Variants in PARD3B observed in about 807,000 individuals in gnomAD.
The protein encoded by PARD3B is par-3 family cell polarity regulator beta.
In PARD3B, 103 loss-of-function variants were observed where a neutral mutation model predicts 130.2. The ratio of observed to expected loss-of-function variants is 0.79; its 90% CI spans 0.67 to 0.93. PARD3B has a LOEUF of 0.93. PARD3B is among the 40% of genes least tolerant of loss of function. PARD3B has a pLI of 0.00. For missense variants in PARD3B, 1,609 were observed against 1,499.2 expected (o/e 1.07, Z -1.21); for synonymous variants, 583 against 553.2 (o/e 1.05, Z -0.76).
At chr2:205,571,372 C>T (rs1372933076) in intron 22 of PARD3B, among the ~76,000 whole-genome samples, 3 of 152,160 alleles carry the variant, frequency 2.0e-5, no homozygotes, top group Admixed American at 6.5e-5. Context: ...CTGAAAGTAA[C>T]AAGCTGCTCA....
At chr2:205,233,256 A>G (rs1198161878) in intron 15 of PARD3B, among the ~76,000 whole-genome samples, 1 of 152,200 alleles carries the variant, frequency 6.6e-6, no homozygotes, top group East Asian at 1.9e-4. Context: ...CTATTCAACT[A>G]GAATTCTTTA....
intron 1 of PARD3B, among the ~76,000 whole-genome samples, chr2:204,608,005 G>A (rs1396964292): frequency 6.6e-6 from 1 of 152,168 alleles, no homozygotes; most frequent in African/African-American, 2.4e-5. Context: ...TGTGTTTAAA[G>A]TGTTCAATGG....
chr2:205,047,648 C>T lies in PARD3B; in HGVS notation c.462C>T (p.Ser154=), dbSNP rs75070299. 519 of 1,550,922 alleles carry T rather than the reference C, an allele frequency of 3.3e-4. 4 individuals carry two copies. In the East Asian group the frequency reaches 0.011, roughly 34 times the overall value. Residue 154 remains serine, a synonymous_variant, in exon 4 of 23, where the codon AGC becomes AGT. Coordinates refer to ENST00000406610, the MANE Select transcript of PARD3B (RefSeq NM_001302769.2). ...GCCCACCTGCTGATACCCAGCCAAG[C>T]GCTTCACACCCTGGTGGCCAGAGTC... The part of the protein sequence containing the change: ...VPGPPADTQP[S]ASHPGGQSLK...
Position 205,616,878 on chromosome 2 carries a change from T to C in PARD3B, c.*1065T>C, listed in dbSNP as rs2055452874. On this transcript the variant is annotated 3_prime_UTR_variant, in exon 23 of 23. Coordinates refer to ENST00000406610, the MANE Select transcript of PARD3B (RefSeq NM_001302769.2). The stretch of plus-strand genomic sequence containing the variant: ...CCTCTGATGACCAGCAGGTATTAGA[T>C]GGAAGTGAATGAGAGAGAGAGAGAG... 1 of 145,672 alleles carries C rather than the reference T, an allele frequency of 6.9e-6. No individual in the cohort carries two copies. The highest frequency in any genetic ancestry group is 2.6e-5 in the African/African-American group (1 of 38,590). 9.0% of individuals were successfully genotyped at this position (145,672 alleles called of 1,614,324 possible).
At chr2:205,435,021 A>G (rs1205344673) in intron 19 of PARD3B, among the ~76,000 whole-genome samples, 2 of 152,156 alleles carry the variant, frequency 1.3e-5, no homozygotes, top group African/African-American at 4.8e-5. Context: ...CAGTATAACC[A>G]TGTATACCCA....
chr2:205,366,841 G>A lies in PARD3B; in HGVS notation c.2631-34172G>A, dbSNP rs763059332. On this transcript the variant is annotated intron_variant, in intron 18 of 22. Coordinates refer to ENST00000406610, the MANE Select transcript of PARD3B (RefSeq NM_001302769.2). This position sits in a 1 kb window ranked among gnomAD's most constrained non-coding sequence, Gnocchi z 5.0. Reference sequence around the variant, plus strand: ...CTTCCCACTAATAACTGGTGATGCTGTACCGCCACAGGTGTCAGCAGCAAT... The same window carrying A: ...CTTCCCACTAATAACTGGTGATGCTATACCGCCACAGGTGTCAGCAGCAAT... Among the ~76,000 whole-genome samples the A allele has an allele frequency of 1.3e-5, 2 of 152,174 alleles. No homozygotes were observed. The highest frequency in any genetic ancestry group is 6.5e-5 in the Admixed American group (1 of 15,276).
intron 18 of PARD3B, among the ~76,000 whole-genome samples, chr2:205,338,476 A>G (rs1290216136): frequency 6.6e-6 from 1 of 152,200 alleles, no homozygotes; most frequent in Non-Finnish European, 1.5e-5. Context: ...TTCTGGCAAT[A>G]GCAGTAATAC....
intron 20 of PARD3B, among the ~76,000 whole-genome samples, chr2:205,444,801 CA>C (rs981259598): frequency 1.3e-5 from 2 of 152,080 alleles, no homozygotes; most frequent in African/African-American, 4.8e-5. Context: ...AAAACAAAGA[CA>C]AAGATGTTTA....
At chr2:204,765,057 T>A (rs2041084463) in intron 2 of PARD3B, among the ~76,000 whole-genome samples, 1 of 152,138 alleles carries the variant, frequency 6.6e-6, no homozygotes, top group African/African-American at 2.4e-5. Context: ...GATTTACCAG[T>A]GTATTTTTTA....
chr2:205,412,160 G>C (rs1488136377), intron 19 of PARD3B, among the ~76,000 whole-genome samples: 2 of 152,042 alleles, frequency 1.3e-5, no homozygotes, highest in Non-Finnish European at 2.9e-5. Flanking sequence ...ATTACTTAAT[G>C]ACCTTACAGT....
At chr2:205,028,851 C>T (rs902902107) in intron 3 of PARD3B, among the ~76,000 whole-genome samples, 6 of 152,072 alleles carry the variant, frequency 3.9e-5, no homozygotes, top group East Asian at 3.8e-4. Flanking sequence ...TAAAAATCAA[C>T]GTACAAAAGT....
chr2:204,587,230 A>G (rs1234399997), intron 1 of PARD3B, among the ~76,000 whole-genome samples: 3 of 152,192 alleles, frequency 2.0e-5, no homozygotes, highest in Non-Finnish European at 2.9e-5. Context: ...TATCAGAGGG[A>G]TATTTGTAGG....
At chr2:204,778,258 A>C (rs1461946790) in intron 2 of PARD3B, among the ~76,000 whole-genome samples, 1 of 152,020 alleles carries the variant, frequency 6.6e-6, no homozygotes, top group Non-Finnish European at 1.5e-5. Context: ...GGATGTTATC[A>C]TGTGGTCATT....
intron 4 of PARD3B, among the ~76,000 whole-genome samples, chr2:205,085,499 T>TG (rs1346871888): frequency 6.6e-6 from 1 of 152,070 alleles, no homozygotes; most frequent in Non-Finnish European, 1.5e-5. Flanking sequence ...ATTGAGTTTA[T>TG]TTTTATGTAA....
intron 20 of PARD3B, among the ~76,000 whole-genome samples, chr2:205,450,434 G>T (rs1034772459): frequency 6.7e-6 from 1 of 148,456 alleles, no homozygotes; most frequent in Admixed American, 6.7e-5. Flanking sequence ...GAGATGAAAG[G>T]CAAGAAAACT....
At chr2:204,740,371 A>G (rs1000890758) in intron 2 of PARD3B, among the ~76,000 whole-genome samples, 1 of 152,168 alleles carries the variant, frequency 6.6e-6, no homozygotes, top group Non-Finnish European at 1.5e-5. Context: ...ATTGCTCTGT[A>G]TGAAATCAAA....
At chr2:204,702,777 T>C (rs1254526524) in intron 2 of PARD3B, among the ~76,000 whole-genome samples, 1 of 152,140 alleles carries the variant, frequency 6.6e-6, no homozygotes, top group African/African-American at 2.4e-5. Context: ...GGTTTTGCCA[T>C]GTTGGCCAGG....
chr2:204,627,030 G>A (rs548611162), intron 1 of PARD3B, among the ~76,000 whole-genome samples: 2 of 152,096 alleles, frequency 1.3e-5, no homozygotes, highest in Non-Finnish European at 1.5e-5. Context: ...ATGATAGTGA[G>A]TTCTCATGAG....
At position 204,650,328 on chromosome 2, in the gene PARD3B, A is replaced by G. The variant is rs569378430; in HGVS notation, c.121-35853A>G. Among the ~76,000 whole-genome samples the G allele has an allele frequency of 9.2e-5, 14 of 152,332 alleles. No individual in the cohort carries two copies. The South Asian group carries it at 2.5e-3, about 27-fold the overall frequency. ...TGTAAACTGGTTCAACCATTGTGGA[A>G]GACAGTGTGGCAATTCCTCAAAGAG... On this transcript the variant is annotated intron_variant, in intron 1 of 22. Transcript: ENST00000406610.
Sources: gnomAD v4.1 joint callset for allele counts (sites outside exome capture counted in the v4.1 genomes callset) on GRCh38, gnomAD v4.1.1 for gene constraint, Gnocchi (gnomAD v3.1) non-coding constraint, MANE v1.5 for transcripts, NCBI Gene and HGNC (gene_info 2026-07-23, HGNC 2026-07-21) for gene names.